Variants in RASGRP3 observed in about 807,000 individuals in gnomAD.
RASGRP3 encodes the protein RAS guanyl releasing protein 3, also known as ras guanyl-releasing protein 3.
In RASGRP3, 54 loss-of-function variants were observed where a neutral mutation model predicts 82.7. The ratio of observed to expected loss-of-function variants is 0.65; its 90% CI spans 0.52 to 0.82. The LOEUF (loss-of-function observed/expected upper bound fraction) is 0.82, where lower values mean the gene tolerates loss of function less well. Among genes scored for constraint, RASGRP3 ranks in the 40% least tolerant of loss-of-function variants. The probability of loss-of-function intolerance (pLI) is 0.00; values close to 1 mark genes in which losing one functional copy is unlikely to be tolerated. For missense variants in RASGRP3, 861 were observed against 828.9 expected, an observed-to-expected ratio of 1.04 and a Z score of -0.48; for synonymous variants, 309 against 300.5, an observed-to-expected ratio of 1.03 and a Z score of -0.29.
chr2:33,464,716 A>T (rs978524613), intron 2 of RASGRP3, among the ~76,000 whole-genome samples: 10 of 152,162 alleles, frequency 6.6e-5, no homozygotes, highest in Non-Finnish European at 1.3e-4. Flanking sequence ...GGCCCCAGCA[A>T]TTGTCCTACC....
At chr2:33,540,565 TG>T (rs1558506505) in intron 12 of RASGRP3, among the ~76,000 whole-genome samples, 1 of 18,548 alleles carries the variant, frequency 5.4e-5, no homozygotes, top group African/African-American at 3.2e-4. Flanking sequence ...TTTGTGTGTG[TG>T]TGTGTGTGTG....
chr2:33,472,809 C>T (rs1038394218), upstream of RASGRP3, among the ~76,000 whole-genome samples: 1 of 146,600 alleles, frequency 6.8e-6, no homozygotes, highest in Non-Finnish European at 1.5e-5. Context: ...ATGAAAATTG[C>T]CGGGCGCGGT....
At chr2:33,560,119 T>G (rs190605057) in intron 17 of RASGRP3, among the ~76,000 whole-genome samples, 278 of 152,326 alleles carry the variant, frequency 1.8e-3, no homozygotes, top group African/African-American at 6.2e-3. Context: ...TTAGTATACT[T>G]TCAGTATGCT....
intron 1 of RASGRP3, among the ~76,000 whole-genome samples, chr2:33,442,064 GTA>G (rs1665253307): frequency 6.6e-6 from 1 of 152,078 alleles, no homozygotes; most frequent in Non-Finnish European, 1.5e-5. Flanking sequence ...ACAAAATTAT[GTA>G]TATAGTGTGA....
At chr2:33,511,884 T>G (rs545522753) in intron 2 of RASGRP3, 42 bp downstream of exon 2, 11 of 152,760 alleles carry the variant, frequency 7.2e-5, no homozygotes, top group African/African-American at 2.6e-4. Context: ...GTAAGAATTC[T>G]AATAAAAATT....
intron 2 of RASGRP3, among the ~76,000 whole-genome samples, chr2:33,469,066 G>A (rs1383678936): frequency 2.6e-5 from 4 of 152,080 alleles, no homozygotes; most frequent in Non-Finnish European, 5.9e-5. Flanking sequence ...ATAATAAATT[G>A]TATCTTATCG....
At chr2:33,539,377 A>G in intron 12 of RASGRP3, 167 bp downstream of exon 12, 1 of 571,030 alleles carries the variant, frequency 1.8e-6, no homozygotes, top group Non-Finnish European at 3.2e-6. Context: ...TCCTGGGGAG[A>G]GTCGATCAGA....
At chr2:33,493,498 C>A (rs554440573) in intron 1 of RASGRP3, among the ~76,000 whole-genome samples, 67 of 152,234 alleles carry the variant, frequency 4.4e-4, no homozygotes, top group African/African-American at 1.6e-3. Flanking sequence ...AAGAAACCAG[C>A]AAAATCTGTG....
chr2:33,489,110 A>G (rs894159424), intron 1 of RASGRP3, among the ~76,000 whole-genome samples: 4 of 152,228 alleles, frequency 2.6e-5, no homozygotes, highest in African/African-American at 7.2e-5. Flanking sequence ...TATTACTGGC[A>G]TCTAGTTAGT....
upstream of RASGRP3, among the ~76,000 whole-genome samples, chr2:33,474,643 C>A (rs1387746639): frequency 6.6e-6 from 1 of 152,144 alleles, no homozygotes; most frequent in Non-Finnish European, 1.5e-5. Flanking sequence ...TAGAAGTGCC[C>A]CCTGTCTGTC....
At position 33,515,055 on chromosome 2, in the gene RASGRP3, A is replaced by G; in HGVS notation, c.-82A>G. The stretch of plus-strand genomic sequence containing the variant: ...AAGGACAGGTCACCACTAGGCACTA[A>G]CATCGCTGACTTGCATGATTATGGA... On this transcript the variant is annotated 5_prime_UTR_variant, in exon 3 of 18. Coordinates refer to ENST00000403687, the MANE Select transcript of RASGRP3 (RefSeq NM_001139488.2). 1 of 1,335,028 alleles carries G rather than the reference A, an allele frequency of 7.5e-7. No individual in the cohort carries two copies. The allele number at this position is 1,335,028 out of a possible 1,614,324, so 82.7% of individuals were successfully genotyped here. A position where few individuals can be genotyped will look rare whatever the true frequency, so the allele number is the denominator to read the frequency against.
intron 2 of RASGRP3, among the ~76,000 whole-genome samples, chr2:33,464,264 A>G (rs1666554758): frequency 6.7e-6 from 1 of 149,228 alleles, no homozygotes; most frequent in East Asian, 2.0e-4. Flanking sequence ...GATTATAGGG[A>G]CATGCCACCA....
At chr2:33,540,637 CTCTG>C (rs1558506792) in intron 12 of RASGRP3, among the ~76,000 whole-genome samples, 1 of 128,742 alleles carries the variant, frequency 7.8e-6, no homozygotes, top group Non-Finnish European at 1.8e-5. Flanking sequence ...CTCTCTCTCT[CTCTG>C]TCTCATTCTG....
At chr2:33,496,511 T>C (rs777750063) in intron 1 of RASGRP3, among the ~76,000 whole-genome samples, 1 of 152,232 alleles carries the variant, frequency 6.6e-6, no homozygotes, top group Non-Finnish European at 1.5e-5. Context: ...AACAAAGATA[T>C]GGAGATCTGG....
Position 33,563,594 on chromosome 2 carries a change from A to C in RASGRP3, c.*857A>C, listed in dbSNP as rs1676932561. 1 of 152,130 alleles carries C rather than the reference A, an allele frequency of 6.6e-6. No homozygotes were observed. The highest frequency in any genetic ancestry group is 6.6e-5 in the Admixed American group (1 of 15,260). 9.4% of individuals were successfully genotyped at this position (152,130 alleles called of 1,614,324 possible). ...AAATTAATTCAAGTTTTGACGGTTA[A>C]CATTTAGCAGAAAAACAAACCATTG... is the stretch of plus-strand genomic sequence containing the variant. On this transcript the variant is annotated 3_prime_UTR_variant, in exon 18 of 18. Transcript: ENST00000403687.
intron 15 of RASGRP3, 41 bp downstream of exon 15, chr2:33,555,608 AT>A (rs1558525007): frequency 2.0e-6 from 3 of 1,487,286 alleles, no homozygotes; most frequent in Non-Finnish European, 1.8e-6. Context: ...AAAATGTGAC[AT>A]TTTGGGTAAG....
At position 33,563,696 on chromosome 2, in the gene RASGRP3, A is replaced by G. The variant is rs1357734864; in HGVS notation, c.*959A>G. 6.6e-6 allele frequency: 1 copy of G among 152,070 alleles called. No individual in the cohort carries two copies. Among genetic ancestry groups the G allele is most frequent in the Non-Finnish European group, 1.5e-5 (1 of 67,996 alleles). 9.4% of individuals were successfully genotyped at this position (152,070 alleles called of 1,614,324 possible). ...TAATTTTGTGAAAAAAAAAACCACC[A>G]CCAAACTTTTGGTTGTAAAAGAGAA... On this transcript the variant is annotated 3_prime_UTR_variant, in exon 18 of 18. Transcript: ENST00000403687.
chr2:33,534,456 C>T, intron 11 of RASGRP3, 56 bp downstream of exon 11: 1 of 1,144,150 alleles, frequency 8.7e-7, no homozygotes, highest in Non-Finnish European at 1.3e-6. Flanking sequence ...TTGTCATGTA[C>T]AGTAATTGGC....
At chr2:33,504,784 T>A (rs1670201143) in intron 1 of RASGRP3, among the ~76,000 whole-genome samples, 1 of 151,184 alleles carries the variant, frequency 6.6e-6, no homozygotes. Context: ...GTAGATTCTG[T>A]CCTTGGAGAT....
Sources: gnomAD v4.1 joint callset for allele counts (sites outside exome capture counted in the v4.1 genomes callset) on GRCh38, gnomAD v4.1.1 for gene constraint, MANE v1.5 for transcripts, NCBI Gene and HGNC (gene_info 2026-07-23, HGNC 2026-07-21) for gene names.